The following ZMYM4 variants were observed in gnomAD, a reference collection of about 807,000 sequenced individuals.
The protein encoded by ZMYM4 is zinc finger MYM-type containing 4.
A neutral mutation model predicts 183.2 loss-of-function variants in ZMYM4; 31 were observed. The ratio of observed to expected loss-of-function variants is 0.17; its 90% CI spans 0.13 to 0.23. The LOEUF (loss-of-function observed/expected upper bound fraction) is 0.23, where lower values mean the gene tolerates loss of function less well. ZMYM4 is among the 10% of genes least tolerant of loss of function. The probability of loss-of-function intolerance (pLI) is 1.00; values close to 1 mark genes in which losing one functional copy is unlikely to be tolerated. For missense variants in ZMYM4, 1,273 were observed against 1,840.3 expected (o/e 0.69, Z 5.64); for synonymous variants, 592 against 631.2 (o/e 0.94, Z 0.93).
At chr1:35,280,087 TTCTC>T (rs950355741) in intron 1 of ZMYM4, among the ~76,000 whole-genome samples, 3 of 151,978 alleles carry the variant, frequency 2.0e-5, no homozygotes, top group Admixed American at 6.6e-5. Context: ...ACATTTTTTT[TTCTC>T]TCTTTCTCTT....
chr1:35,408,641 G>A (rs1639736230), intron 26 of ZMYM4, among the ~76,000 whole-genome samples: 1 of 152,110 alleles, frequency 6.6e-6, no homozygotes, highest in Non-Finnish European at 1.5e-5. Context: ...GGAGACGGAG[G>A]CAGGAGGATC....
chr1:35,326,090 A>G (rs1029411157), intron 2 of ZMYM4, among the ~76,000 whole-genome samples: 2 of 152,104 alleles, frequency 1.3e-5, no homozygotes, highest in Non-Finnish European at 2.9e-5. Flanking sequence ...ATAAGTCCTC[A>G]CTAAATGTTG....
intron 1 of ZMYM4, among the ~76,000 whole-genome samples, chr1:35,297,195 G>A (rs887302016): frequency 4.6e-5 from 7 of 151,724 alleles, no homozygotes; most frequent in African/African-American, 1.2e-4. Context: ...ATGGAGTCTC[G>A]TTCTGTCTGC....
At chr1:35,269,523 T>C (rs1639490380) in intron 1 of ZMYM4, among the ~76,000 whole-genome samples, 1 of 152,016 alleles carries the variant, frequency 6.6e-6, no homozygotes, top group East Asian at 1.9e-4. Flanking sequence ...AGTAACACCA[T>C]CGCGAATTCA....
At chr1:35,331,453 G>A (rs1209467495) in intron 2 of ZMYM4, among the ~76,000 whole-genome samples, 1 of 152,050 alleles carries the variant, frequency 6.6e-6, no homozygotes, top group Non-Finnish European at 1.5e-5. Context: ...TTATGTTTTT[G>A]CCAGTAACTT....
rs1640305946 is a variant in ZMYM4 at position 35,420,974 on chromosome 1, A to G, written c.*1297A>G. 1 of 152,252 alleles carries G rather than the reference A, an allele frequency of 6.6e-6. No individual in the cohort carries two copies. Among genetic ancestry groups the G allele is most frequent in the African/African-American group, 2.4e-5 (1 of 41,446 alleles). 9.4% of individuals were successfully genotyped at this position (152,252 alleles called of 1,614,324 possible). On this transcript the variant is annotated 3_prime_UTR_variant, in exon 30 of 30. Coordinates refer to ENST00000314607, the MANE Select transcript of ZMYM4 (RefSeq NM_005095.3). ...TGTGGCATATCAGTCCATCTCCCTCATCTCCATTCTCAGTTTCTTCCCCAC... is the reference window on the plus strand; with the variant it reads ...TGTGGCATATCAGTCCATCTCCCTCGTCTCCATTCTCAGTTTCTTCCCCAC...
intron 1 of ZMYM4, among the ~76,000 whole-genome samples, chr1:35,283,002 TTTTTTTTTTTTTTTG>T (rs1640263662): frequency 2.9e-5 from 3 of 103,950 alleles, no homozygotes; most frequent in African/African-American, 1.1e-4. Flanking sequence ...TTTTTTTTTT[TTTTTTTTTTTTTTTG>T]AGACAGAGTG....
chr1:35,290,224 T>C (rs1012466933), intron 1 of ZMYM4, among the ~76,000 whole-genome samples: 1 of 152,204 alleles, frequency 6.6e-6, no homozygotes, highest in Non-Finnish European at 1.5e-5. Flanking sequence ...CGCCTTGGCC[T>C]CCCAAAATGC....
At chr1:35,287,106 T>C (rs761972196) in intron 1 of ZMYM4, among the ~76,000 whole-genome samples, 29 of 152,256 alleles carry the variant, frequency 1.9e-4, no homozygotes, top group Admixed American at 2.0e-4. Context: ...TTTTATGAGA[T>C]GGCATTCTCA....
At chr1:35,412,917 A>G (rs1304049432) in intron 26 of ZMYM4, among the ~76,000 whole-genome samples, 1 of 152,140 alleles carries the variant, frequency 6.6e-6, no homozygotes, top group East Asian at 1.9e-4. Flanking sequence ...AGCCACAGAA[A>G]TATAAATTAA....
chr1:35,368,558 A>G (rs1234728490), intron 5 of ZMYM4, among the ~76,000 whole-genome samples: 1 of 152,212 alleles, frequency 6.6e-6, no homozygotes, highest in Non-Finnish European at 1.5e-5. Flanking sequence ...ATACTTTTAA[A>G]TGGTGTTTTT....
intron 2 of ZMYM4, 58 bp from the exon 3 acceptor site, chr1:35,358,867 T>C: frequency 7.1e-7 from 1 of 1,405,110 alleles, no homozygotes; most frequent in East Asian, 2.3e-5. Flanking sequence ...AGACTGACCT[T>C]ATCATTGTGG....
At chr1:35,345,395 T>C (rs909855201) in intron 2 of ZMYM4, among the ~76,000 whole-genome samples, 9 of 152,192 alleles carry the variant, frequency 5.9e-5, no homozygotes, top group African/African-American at 2.2e-4. Flanking sequence ...CTATGAAATC[T>C]GTAGTCCCTT....
chr1:35,367,080 A>G (rs1644100740), intron 5 of ZMYM4, among the ~76,000 whole-genome samples: 1 of 152,100 alleles, frequency 6.6e-6, no homozygotes, highest in Non-Finnish European at 1.5e-5. Flanking sequence ...TGAAAATATC[A>G]ATGGTTAGGT....
chr1:35,326,736 T>C (rs974752842), intron 2 of ZMYM4, among the ~76,000 whole-genome samples: 7 of 152,182 alleles, frequency 4.6e-5, no homozygotes, highest in African/African-American at 1.2e-4. Context: ...TTAGACACGC[T>C]AATTAACCTA....
At chr1:35,333,506 T>C (rs1570373684) in intron 2 of ZMYM4, among the ~76,000 whole-genome samples, 5 of 152,094 alleles carry the variant, frequency 3.3e-5, no homozygotes. Flanking sequence ...GATCTGCCTA[T>C]CTCGGCCTCC....
chr1:35,282,656 A>G (rs1009111253), intron 1 of ZMYM4, among the ~76,000 whole-genome samples: 7 of 152,078 alleles, frequency 4.6e-5, no homozygotes, highest in African/African-American at 1.7e-4. Context: ...CCCTGGTTTA[A>G]GCTGTCCTCC....
chr1:35,323,417 G>A lies in ZMYM4; in HGVS notation c.40-1943G>A, dbSNP rs550194456. On this transcript the variant is annotated intron_variant, in intron 1 of 29. Coordinates refer to ENST00000314607, the MANE Select transcript of ZMYM4 (RefSeq NM_005095.3). ...TAAGATGAGAAGGAATAATAGCATC[G>A]GGCCTTGGGACAGTATTGTTCAAAA... 3.3e-5 allele frequency among the ~76,000 whole-genome samples: 5 copies of A among 152,232 alleles called. No individual in the cohort carries two copies. The South Asian group carries it at 6.2e-4, about 19-fold the overall frequency.
chr1:35,359,397 C>T lies in ZMYM4; in HGVS notation c.558C>T (p.Pro186=). 6.3e-7 allele frequency: 1 copy of T among 1,580,724 alleles called. No individual in the cohort carries two copies. Among genetic ancestry groups the T allele is most frequent in the Non-Finnish European group, 8.5e-7 (1 of 1,170,886 alleles). Residue 186 remains proline, a synonymous_variant, in exon 3 of 30, where the codon CCC becomes CCT. Transcript: ENST00000314607. ...TYEREKRLDK[P]HKDLDSRLKS... ...AACGTGAAAAACGGTTGGATAAACC[C>T]CATAAAGATTTGGATTCAAGGTTGA...
Sources: allele counts gnomAD v4.1 joint callset (sites outside exome capture counted in the v4.1 genomes callset), GRCh38; gene constraint gnomAD v4.1.1; transcripts MANE v1.5; gene names NCBI Gene and HGNC (gene_info 2026-07-23, HGNC 2026-07-21).